Variants in TAF1B observed in about 807,000 individuals in gnomAD.
TAF1B encodes the protein TATA-box binding protein associated factor, RNA polymerase I subunit B.
Under a neutral mutation model 83.9 loss-of-function variants are expected in TAF1B, and 61 were observed. The observed-to-expected ratio is 0.73, with a 90% CI of 0.59 to 0.90. The LOEUF is 0.90. TAF1B is among the 40% of genes least tolerant of loss of function. The probability of loss-of-function intolerance (pLI) is 0.00; values close to 1 mark genes in which losing one functional copy is unlikely to be tolerated. For synonymous variants in TAF1B, 221 were observed against 224.6 expected (o/e 0.98, Z 0.14); for missense variants, 625 against 677.0 (o/e 0.92, Z 0.85).
rs1022453237 is a variant in TAF1B at position 9,854,481 on chromosome 2, A to G, written c.399+60A>G. On this transcript the variant is annotated intron_variant, in intron 5 of 14. Transcript: ENST00000263663. ...CATGTCTGTTGAGATGTAGAGATGA[A>G]GATGGGTTCATGACCAGTTTGAGTA... The G allele has an allele frequency of 3.1e-5, 39 of 1,271,566 alleles. No individual in the cohort carries two copies. In the Admixed American group the frequency reaches 6.6e-4, roughly 22 times the overall value. The allele number at this position is 1,271,566 out of a possible 1,614,324, so 78.8% of individuals were successfully genotyped here.
chr2:9,920,109 A>G (rs1665824011), intron 14 of TAF1B, among the ~76,000 whole-genome samples: 1 of 152,228 alleles, frequency 6.6e-6, no homozygotes, highest in Non-Finnish European at 1.5e-5. Flanking sequence ...ATTTTTTAGT[A>G]CATATCACTT....
At chr2:9,853,096 G>C (rs1471378243) in intron 4 of TAF1B, among the ~76,000 whole-genome samples, 1 of 152,230 alleles carries the variant, frequency 6.6e-6, no homozygotes, top group Non-Finnish European at 1.5e-5. Flanking sequence ...GTCATTTTAT[G>C]TATAAATGTT....
At chr2:9,917,389 A>C (rs1665713779) in intron 12 of TAF1B, among the ~76,000 whole-genome samples, 1 of 152,218 alleles carries the variant, frequency 6.6e-6, no homozygotes, top group Non-Finnish European at 1.5e-5. Context: ...AGAAATTATT[A>C]TAGATGCTAC....
chr2:9,843,646 T>TTGGGGCGGCGACGCCACCGGC (rs1663095746), intron 1 of TAF1B, 87 bp downstream of exon 1: 3 of 1,362,210 alleles, frequency 2.2e-6, no homozygotes, highest in African/African-American at 1.5e-5. Flanking sequence ...ACGCCGCGGG[T>TTGGGGCGGCGACGCCACCGGC]TGGGGCGGCG....
rs771186795 is a variant in TAF1B, at chr2:9,913,247, C to T, written c.1269C>T (p.Ala423=). ...EKKQKWEEAR[A]KYLWKSEKPL... Reference sequence around the variant, plus strand: ...AACAAAAATGGGAAGAAGCAAGGGCCAAGTATGTTCTCCTTCCTGGTTTAG... The same window carrying T: ...AACAAAAATGGGAAGAAGCAAGGGCTAAGTATGTTCTCCTTCCTGGTTTAG... Residue 423 remains alanine, a splice_region_variant and synonymous_variant, in exon 12 of 15, where the codon GCC becomes GCT. Transcript: ENST00000263663. 9 of 1,611,654 alleles carry T rather than the reference C, an allele frequency of 5.6e-6. No homozygotes were observed. The South Asian group carries it at 9.9e-5, about 18-fold the overall frequency.
intron 9 of TAF1B, among the ~76,000 whole-genome samples, chr2:9,906,225 T>C (rs1665339490): frequency 1.3e-5 from 2 of 152,184 alleles, no homozygotes; most frequent in South Asian, 4.1e-4. Flanking sequence ...GTCACGTGTT[T>C]ATTATTGGAC....
intron 2 of TAF1B, chr2:9,845,681 G>A (rs1351492587): frequency 1.2e-5 from 3 of 254,700 alleles, no homozygotes; most frequent in Non-Finnish European, 2.3e-5. Context: ...AAGATGGAAT[G>A]TTAGAAAACT....
intron 14 of TAF1B, among the ~76,000 whole-genome samples, chr2:9,923,495 A>G (rs761583622): frequency 2.6e-5 from 4 of 152,040 alleles, no homozygotes; most frequent in Non-Finnish European, 5.9e-5. Context: ...CCTGACCAAC[A>G]TGGAGAAACC....
intron 5 of TAF1B, among the ~76,000 whole-genome samples, chr2:9,857,260 C>T (rs1011574241): frequency 3.3e-5 from 5 of 152,176 alleles, no homozygotes; most frequent in Non-Finnish European, 7.3e-5. Flanking sequence ...GCTTCCTATA[C>T]ACAGTACACT....
chr2:9,867,864 G>C (rs1405731394), intron 5 of TAF1B, among the ~76,000 whole-genome samples: 1 of 152,164 alleles, frequency 6.6e-6, no homozygotes, highest in Non-Finnish European at 1.5e-5. Flanking sequence ...GGGAGAGGGA[G>C]GAAAAGGCGT....
intron 12 of TAF1B, 107 bp downstream of exon 12, chr2:9,913,356 T>C (rs779226475): frequency 1.2e-6 from 1 of 834,776 alleles, no homozygotes; most frequent in East Asian, 2.6e-5. Context: ...CATTGTGACT[T>C]TTTTTTCTGG....
At chr2:9,885,748 C>G (rs1384540766) in intron 8 of TAF1B, among the ~76,000 whole-genome samples, 1 of 150,966 alleles carries the variant, frequency 6.6e-6, no homozygotes, top group Non-Finnish European at 1.5e-5. Context: ...CCCACGCCCC[C>G]CCCCACTTTG....
intron 8 of TAF1B, among the ~76,000 whole-genome samples, chr2:9,887,283 TG>T (rs1224488719): frequency 2.6e-5 from 4 of 152,242 alleles, no homozygotes; most frequent in Admixed American, 1.3e-4. Flanking sequence ...TATGTTTACT[TG>T]CTCTTTGATC....
At chr2:9,861,610 C>G (rs4627538) in intron 5 of TAF1B, among the ~76,000 whole-genome samples, 36,817 of 152,208 alleles carry the variant, frequency 0.24, 5,028 homozygotes, top group East Asian at 0.31. Flanking sequence ...GGTTCTCCCA[C>G]CATGCAGCTT....
In TAF1B at chr2:9,910,831, A is replaced by G. The variant is rs1054565; in HGVS notation, c.1051A>G (p.Thr351Ala). ...TGATCCTATAGCTAAAATGGCAAAA[A>G]CTGTTAAGTACGATGTACAAGCTGT... ...TFDPIAKMAK[T>A]VKYDVQAVAI... Residue 351 changes from threonine (T) to alanine (A), a missense_variant, in exon 10 of 15, where the codon ACT becomes GCT. Physicochemically the swap from Thr to Ala is moderately conservative, Grantham distance 58 (BLOSUM62 0). Transcript: ENST00000263663. The G allele has an allele frequency of 0.63, 1,008,294 of 1,608,104 alleles. 327,114 individuals are homozygous for G. Among genetic ancestry groups the G allele is most frequent in the Non-Finnish European group, 0.68 (795,778 of 1,177,488 alleles).
intron 8 of TAF1B, among the ~76,000 whole-genome samples, chr2:9,894,273 G>C (rs922766801): frequency 6.6e-6 from 1 of 152,180 alleles, no homozygotes; most frequent in East Asian, 1.9e-4. Flanking sequence ...AAATTGATCT[G>C]TTGGGGAGTT....
chr2:9,931,121 A>G (rs887135490), intron 14 of TAF1B, among the ~76,000 whole-genome samples: 97 of 152,180 alleles, frequency 6.4e-4, no homozygotes, highest in Non-Finnish European at 7.6e-4. Context: ...CTCTTTATCC[A>G]ATTTGCCAGT....
rs1457727837 is a variant in TAF1B at position 9,926,756 on chromosome 2, TTGAACC to T, written c.1565+6939_1565+6944del. ...TGGGGGGCTGAGGCAGGAGAATCAC[TTGAACC>T]TGGGAGGCAGAGGTTGCAGTCAGCG... is the stretch of plus-strand genomic sequence containing the variant. On this transcript the variant is annotated intron_variant, in intron 14 of 14. Transcript: ENST00000263663. 6.7e-5 allele frequency among the ~76,000 whole-genome samples: 10 copies of T among 148,272 alleles called. No individual in the cohort carries two copies. The East Asian group carries it at 1.4e-3, about 21-fold the overall frequency.
At chr2:9,847,276 C>T (rs1034900151) in intron 2 of TAF1B, among the ~76,000 whole-genome samples, 18 of 152,202 alleles carry the variant, frequency 1.2e-4, no homozygotes, top group Non-Finnish European at 1.5e-5. Flanking sequence ...CAGTGCCTTC[C>T]TTTCAGACGA....
Sources: allele counts gnomAD v4.1 joint callset (sites outside exome capture counted in the v4.1 genomes callset), GRCh38; gene constraint gnomAD v4.1.1; transcripts MANE v1.5; gene names NCBI Gene and HGNC (gene_info 2026-07-23, HGNC 2026-07-21).